The following PRKN variants were observed in gnomAD, a reference collection of about 807,000 sequenced individuals.
PRKN encodes the protein E3 ubiquitin-protein ligase parkin.
PRKN carries 56 observed loss-of-function variants against 59.5 expected under a neutral mutation model. The ratio of observed to expected loss-of-function variants is 0.94; its 90% CI spans 0.76 to 1.18. PRKN has a LOEUF of 1.18. PRKN is among the 50% of genes most tolerant of loss of function. The pLI is 0.00. For synonymous variants in PRKN, 250 were observed against 222.1 expected, an observed-to-expected ratio of 1.13 and a Z score of -1.12; for missense variants, 657 against 596.4, an observed-to-expected ratio of 1.10 and a Z score of -1.06.
chr6:161,879,325 ATTATGACATTTC>A (rs1406412149), intron 6 of PRKN, among the ~76,000 whole-genome samples: 2 of 147,496 alleles, frequency 1.4e-5, no homozygotes, highest in Non-Finnish European at 3.0e-5. Context: ...CTGTATGGTC[ATTATGACATTTC>A]TGCCTTTTTT....
intron 2 of PRKN, among the ~76,000 whole-genome samples, chr6:162,392,227 A>G (rs1342544738): frequency 6.6e-6 from 1 of 152,170 alleles, no homozygotes; most frequent in Non-Finnish European, 1.5e-5. Flanking sequence ...TGGTCTTCAA[A>G]GGCAACAACA....
chr6:162,269,314 C>T (rs1342260580), intron 2 of PRKN, among the ~76,000 whole-genome samples: 1 of 152,144 alleles, frequency 6.6e-6, no homozygotes, highest in Non-Finnish European at 1.5e-5. Context: ...AAAACACACT[C>T]CCCTGTGTCT....
intron 6 of PRKN, among the ~76,000 whole-genome samples, chr6:161,946,428 T>A (rs879519176): frequency 0.23 from 31,257 of 136,252 alleles, 4,102 homozygotes; most frequent in East Asian, 0.34. Context: ...TCTCTCTCTC[T>A]CTCTCTCTCT....
At chr6:162,011,450 A>ATATTATATATTT (rs1782698498) in intron 5 of PRKN, among the ~76,000 whole-genome samples, 1 of 10,232 alleles carries the variant, frequency 9.8e-5, no homozygotes, top group African/African-American at 1.3e-3. Context: ...TATTTATAAT[A>ATATTATATATTT]TATAATATAT....
At chr6:161,865,397 G>A (rs978435278) in intron 6 of PRKN, among the ~76,000 whole-genome samples, 1 of 152,184 alleles carries the variant, frequency 6.6e-6, no homozygotes, top group Non-Finnish European at 1.5e-5. Context: ...TAACAAGGGA[G>A]TCAGCCTATC....
At chr6:161,374,723 G>A (rs1010889006) in intron 10 of PRKN, among the ~76,000 whole-genome samples, 2 of 152,168 alleles carry the variant, frequency 1.3e-5, no homozygotes, top group Non-Finnish European at 2.9e-5. Flanking sequence ...TGTGTGGCAT[G>A]TGTGACATAT....
chr6:162,203,184 T>C (rs1283238090), intron 3 of PRKN, among the ~76,000 whole-genome samples: 1 of 152,224 alleles, frequency 6.6e-6, no homozygotes, highest in African/African-American at 2.4e-5. Context: ...GCTAATGATA[T>C]ATCAACGCAG....
chr6:161,592,004 C>T lies in PRKN; in HGVS notation c.872-22588G>A, dbSNP rs1196984036. 6.6e-6 allele frequency among the ~76,000 whole-genome samples: 1 copy of T among 152,080 alleles called. No individual in the cohort carries two copies. The highest frequency in any genetic ancestry group is 1.5e-5 in the Non-Finnish European group (1 of 68,028). The stretch of plus-strand genomic sequence containing the variant: ...GACAATTGCTCAAGTCTCTGATATA[C>T]AATGATGTAGTATTTCTATATAACC... On this transcript the variant is annotated intron_variant, in intron 7 of 11. Transcript: ENST00000366898. This position sits in a 1 kb window ranked among gnomAD's most constrained non-coding sequence, Gnocchi z 4.8.
Position 161,352,769 on chromosome 6 carries a change from A to ATATATTT in PRKN, c.1286-2559_1286-2558insAAATATA, listed in dbSNP as rs1398780449. ...TGTGTGTGTGTGTATATATATATAT[A>ATATATTT]TATTTTATTTTATTTTATTTTATTT... On this transcript the variant is annotated intron_variant, in intron 11 of 11. Transcript: ENST00000366898. This position sits in a 1 kb window ranked among gnomAD's most constrained non-coding sequence, Gnocchi z 5.8. 8.4e-6 allele frequency among the ~76,000 whole-genome samples: 1 copy of ATATATTT among 119,448 alleles called. No individual in the cohort carries two copies. Among genetic ancestry groups the ATATATTT allele is most frequent in the Non-Finnish European group, 1.9e-5 (1 of 53,020 alleles). 78.4% of individuals were successfully genotyped at this position (119,448 alleles called of 152,430 possible).
At position 161,391,342 on chromosome 6, in the gene PRKN, C is replaced by T. The variant is rs1274795218; in HGVS notation, c.1084-4465G>A. Among the ~76,000 whole-genome samples, 1 of 152,008 alleles carries T rather than the reference C, an allele frequency of 6.6e-6. No homozygotes were observed. The highest frequency in any genetic ancestry group is 1.9e-4 in the East Asian group (1 of 5,198). The stretch of plus-strand genomic sequence containing the variant: ...ATTAACCGAATGGAAGTTAGTATAC[C>T]AGGAAACATGGAGTCCTGTTTATAC... On this transcript the variant is annotated intron_variant, in intron 9 of 11. Coordinates refer to ENST00000366898, the MANE Select transcript of PRKN (RefSeq NM_004562.3). This position sits in a 1 kb window ranked among gnomAD's most constrained non-coding sequence, Gnocchi z 4.9.
intron 1 of PRKN, among the ~76,000 whole-genome samples, chr6:162,656,241 A>G (rs1778635693): frequency 6.6e-6 from 1 of 152,230 alleles, no homozygotes; most frequent in African/African-American, 2.4e-5. Context: ...TTCGGGATAT[A>G]GAGAAACACA....
At chr6:162,527,720 A>G (rs1778345619) in intron 1 of PRKN, among the ~76,000 whole-genome samples, 1 of 152,170 alleles carries the variant, frequency 6.6e-6, no homozygotes, top group Non-Finnish European at 1.5e-5. Context: ...GTGTGTTTTA[A>G]TTTTTAAAAG....
intron 4 of PRKN, among the ~76,000 whole-genome samples, chr6:162,183,783 GCCCCTCGATCCCTACCATACA>G (rs1203992230): frequency 6.6e-6 from 1 of 152,084 alleles, no homozygotes; most frequent in Non-Finnish European, 1.5e-5. Context: ...GCAGTATGCC[GCCCCTCGATCCCTACCATACA>G]CCCCATTTAT....
At chr6:162,048,803 T>C (rs1777498859) in intron 5 of PRKN, among the ~76,000 whole-genome samples, 1 of 151,498 alleles carries the variant, frequency 6.6e-6, no homozygotes. Flanking sequence ...CTGCATACGG[T>C]GCCGTGGGTT....
At chr6:162,178,525 T>C (rs573067478) in intron 4 of PRKN, among the ~76,000 whole-genome samples, 7 of 152,160 alleles carry the variant, frequency 4.6e-5, no homozygotes, top group African/African-American at 7.2e-5. Context: ...CCCTTAAAGG[T>C]TGGAGGTCAA....
At chr6:161,532,679 C>T (rs757864061) in intron 9 of PRKN, among the ~76,000 whole-genome samples, 2 of 152,064 alleles carry the variant, frequency 1.3e-5, no homozygotes, top group Admixed American at 6.5e-5. Context: ...GGTTACGAGA[C>T]GGGAGAGACG....
chr6:161,465,333 C>T (rs1037259640), intron 9 of PRKN, among the ~76,000 whole-genome samples: 2 of 152,134 alleles, frequency 1.3e-5, no homozygotes, highest in African/African-American at 4.8e-5. Flanking sequence ...TTCTGATGTT[C>T]CTCATTCCTT....
At chr6:162,002,928 A>G (rs1041016747) in intron 5 of PRKN, among the ~76,000 whole-genome samples, 4 of 152,068 alleles carry the variant, frequency 2.6e-5, no homozygotes, top group Admixed American at 2.6e-4. Context: ...GGGATTTTCC[A>G]TCTGTCTTTC....
intron 6 of PRKN, 142 bp downstream of exon 6, chr6:161,973,160 A>G: frequency 1.5e-6 from 1 of 683,452 alleles, no homozygotes; most frequent in Non-Finnish European, 2.7e-6. Context: ...AATAAAGCAG[A>G]CACTCCCCAG....
Sources: allele counts gnomAD v4.1 joint callset (sites outside exome capture counted in the v4.1 genomes callset), GRCh38; gene constraint gnomAD v4.1.1; non-coding constraint Gnocchi (gnomAD v3.1); transcripts MANE v1.5; gene names NCBI Gene and HGNC (gene_info 2026-07-23, HGNC 2026-07-21).